Variants in INPP4B observed in about 807,000 individuals in gnomAD.
INPP4B encodes the protein inositol polyphosphate 4-phosphatase type II.
A neutral mutation model predicts 122.5 loss-of-function variants in INPP4B; 55 were observed. That is an observed-to-expected ratio of 0.45 (90% CI 0.36 to 0.56). The LOEUF (loss-of-function observed/expected upper bound fraction) is 0.56, where lower values mean the gene tolerates loss of function less well. Among genes scored for constraint, INPP4B ranks in the 20% least tolerant of loss-of-function variants. The probability of loss-of-function intolerance (pLI) is 0.00; values close to 1 mark genes in which losing one functional copy is unlikely to be tolerated. For synonymous variants in INPP4B, 403 were observed against 388.7 expected, an observed-to-expected ratio of 1.04 and a Z score of -0.43; for missense variants, 1,000 against 1,097.7, an observed-to-expected ratio of 0.91 and a Z score of 1.26.
At chr4:142,821,414 A>C (rs11100761) in intron 1 of INPP4B, among the ~76,000 whole-genome samples, 64,883 of 151,780 alleles carry the variant, frequency 0.43, 15,186 homozygotes, top group African/African-American at 0.62. Context: ...TGGAGGACAA[A>C]GTTCTTTCTT....
rs552862710 is a variant in INPP4B, at chr4:142,337,451, A to G, written c.373-22689T>C. On this transcript the variant is annotated intron_variant, in intron 7 of 25. Transcript: ENST00000262992. ...ATAAGAAAGTTTTACATCCTTATCT[A>G]TACTTGAAATTGTTAGATGTTGAGT... Among the ~76,000 whole-genome samples, 11 of 151,864 alleles carry G rather than the reference A, an allele frequency of 7.2e-5. 1 individual carries two copies. The South Asian group carries it at 2.3e-3, about 31-fold the overall frequency.
intron 3 of INPP4B, among the ~76,000 whole-genome samples, chr4:142,452,248 C>G (rs1226249063): frequency 1.3e-5 from 2 of 152,114 alleles, no homozygotes; most frequent in Non-Finnish European, 2.9e-5. Context: ...GACGAGGCAC[C>G]CTTAATTGTG....
At position 142,542,087 on chromosome 4, in the gene INPP4B, A is replaced by G. The variant is rs569735665; in HGVS notation, c.-190-79361T>C. On this transcript the variant is annotated intron_variant, in intron 2 of 25. Coordinates refer to ENST00000262992, the MANE Select transcript of INPP4B (RefSeq NM_001101669.3). ...CAGCAAGTTCTGCCTGCATGGCACC[A>G]TGGTAACTTCTCTGTCATCCCATGA... Among the ~76,000 whole-genome samples the G allele has an allele frequency of 9.1e-4, 139 of 152,304 alleles. No individual in the cohort carries two copies. In the Middle Eastern group the frequency reaches 0.027, roughly 30 times the overall value.
chr4:142,647,647 G>C (rs1311170050), intron 2 of INPP4B, among the ~76,000 whole-genome samples: 1 of 152,112 alleles, frequency 6.6e-6, no homozygotes, highest in African/African-American at 2.4e-5. Flanking sequence ...TAGAGAGAGG[G>C]AGCACAGTGC....
intron 1 of INPP4B, among the ~76,000 whole-genome samples, chr4:142,780,771 C>A (rs1774684838): frequency 6.6e-6 from 1 of 152,066 alleles, no homozygotes; most frequent in African/African-American, 2.4e-5. Context: ...GCACTCCAGC[C>A]TGGGTGACAG....
chr4:142,682,278 T>C (rs890575586), intron 2 of INPP4B, among the ~76,000 whole-genome samples: 1 of 151,630 alleles, frequency 6.6e-6, no homozygotes, highest in African/African-American at 2.4e-5. Context: ...TCTCTCTCCC[T>C]CTCTCTCTCT....
chr4:142,672,562 G>A (rs1225802815), intron 2 of INPP4B, among the ~76,000 whole-genome samples: 1 of 151,774 alleles, frequency 6.6e-6, no homozygotes, highest in Non-Finnish European at 1.5e-5. Context: ...ATCTCCTTTG[G>A]CAAAGTGTCT....
intron 7 of INPP4B, among the ~76,000 whole-genome samples, chr4:142,365,778 T>C (rs111589965): frequency 0.11 from 16,860 of 152,078 alleles, 980 homozygotes; most frequent in East Asian, 0.18. Context: ...AATTTTTTTT[T>C]CTCCAAATTA....
At chr4:142,694,322 G>A (rs556861545) in intron 2 of INPP4B, among the ~76,000 whole-genome samples, 25 of 149,472 alleles carry the variant, frequency 1.7e-4, no homozygotes, top group African/African-American at 6.2e-4. Context: ...GCAGTGAGCC[G>A]AGATTGTACC....
intron 5 of INPP4B, among the ~76,000 whole-genome samples, chr4:142,409,390 G>A (rs550543375): frequency 2.6e-5 from 4 of 152,252 alleles, no homozygotes; most frequent in Admixed American, 2.0e-4. Flanking sequence ...CTACTCGGAG[G>A]GCTGAGGTGG....
intron 12 of INPP4B, among the ~76,000 whole-genome samples, chr4:142,213,096 T>C (rs1390180550): frequency 1.3e-5 from 2 of 152,184 alleles, no homozygotes; most frequent in Non-Finnish European, 2.9e-5. Context: ...GAAGCAATAT[T>C]ATGTGGGGCA....
At chr4:142,273,939 C>T (rs1462736135) in intron 9 of INPP4B, among the ~76,000 whole-genome samples, 1 of 151,860 alleles carries the variant, frequency 6.6e-6, no homozygotes, top group African/African-American at 2.4e-5. Flanking sequence ...AAGCCACTCT[C>T]TATTTATTCT....
intron 2 of INPP4B, among the ~76,000 whole-genome samples, chr4:142,628,904 T>G (rs1389047678): frequency 6.6e-6 from 1 of 152,102 alleles, no homozygotes; most frequent in East Asian, 1.9e-4. Context: ...AAATATTTAT[T>G]TCCTAAGAAA....
At chr4:142,823,021 T>C (rs1464485712) in intron 1 of INPP4B, among the ~76,000 whole-genome samples, 4 of 152,118 alleles carry the variant, frequency 2.6e-5, no homozygotes, top group African/African-American at 9.7e-5. Context: ...TCTGTAATCA[T>C]AGCAAAGGAC....
intron 7 of INPP4B, among the ~76,000 whole-genome samples, chr4:142,344,297 T>C (rs192783827): frequency 7.0e-6 from 1 of 143,800 alleles, no homozygotes; most frequent in East Asian, 2.0e-4. Flanking sequence ...TGGACATATG[T>C]ATATTTTTAA....
At chr4:142,135,324 A>AC (rs766997138) in intron 18 of INPP4B, among the ~76,000 whole-genome samples, 4 of 152,228 alleles carry the variant, frequency 2.6e-5, no homozygotes, top group Non-Finnish European at 4.4e-5. Context: ...TCAGAGATTC[A>AC]AAGGTTTCAA....
chr4:142,390,377 C>G (rs1797280084), intron 7 of INPP4B, among the ~76,000 whole-genome samples: 1 of 152,082 alleles, frequency 6.6e-6, no homozygotes, highest in Non-Finnish European at 1.5e-5. Flanking sequence ...AGGTTTTGGC[C>G]TTTTCAAAAA....
At chr4:142,835,688 A>G (rs1458545609) in intron 1 of INPP4B, among the ~76,000 whole-genome samples, 1 of 152,232 alleles carries the variant, frequency 6.6e-6, no homozygotes, top group East Asian at 1.9e-4. Flanking sequence ...TGGTTGTTAT[A>G]CAAAGTAATA....
chr4:142,402,578 A>G (rs2149155297), intron 7 of INPP4B, among the ~76,000 whole-genome samples: 1 of 152,308 alleles, frequency 6.6e-6, no homozygotes, highest in East Asian at 1.9e-4. Flanking sequence ...CACTTTGTCA[A>G]TCCCCTATTT....
Sources: allele counts gnomAD v4.1 joint callset (sites outside exome capture counted in the v4.1 genomes callset), GRCh38; gene constraint gnomAD v4.1.1; transcripts MANE v1.5; gene names NCBI Gene and HGNC (gene_info 2026-07-23, HGNC 2026-07-21).